ITGB5: variants seen among roughly 807,000 people sequenced by gnomAD.
The protein encoded by ITGB5 is integrin subunit beta 5.
In ITGB5, 38 loss-of-function variants were observed where a neutral mutation model predicts 84.8. The observed-to-expected ratio is 0.45, with a 90% CI of 0.35 to 0.59. The LOEUF (loss-of-function observed/expected upper bound fraction) is 0.59. ITGB5 is among the 20% of genes least tolerant of loss of function. The pLI is 0.01. For missense variants in ITGB5, 905 were observed against 1,034.5 expected (o/e 0.87, Z 1.72); for synonymous variants, 393 against 414.4 (o/e 0.95, Z 0.63).
intron 7 of ITGB5, among the ~76,000 whole-genome samples, chr3:124,818,708 CA>C (rs916916440): frequency 5.9e-5 from 9 of 151,348 alleles, no homozygotes; most frequent in African/African-American, 1.9e-4. Context: ...TTCCACTAAA[CA>C]AAAAAAGAAA....
rs1220165092 is a variant in ITGB5, at chr3:124,783,312, A to AAG, written c.1694-9402_1694-9401dup. On this transcript the variant is annotated intron_variant, in intron 10 of 14. Coordinates refer to ENST00000296181, the MANE Select transcript of ITGB5 (RefSeq NM_002213.5). Reference sequence around the variant, plus strand: ...TCTCAAAAAAAAAAAAAAAAAAAAAAAGAGAGAGAGAGAGATTAAACAGAC... The same window carrying AAG: ...TCTCAAAAAAAAAAAAAAAAAAAAAAAGAGAGAGAGAGAGAGATTAAACAGAC... 1.8e-4 allele frequency among the ~76,000 whole-genome samples: 26 copies of AAG among 147,606 alleles called. No homozygotes were observed. In the East Asian group the frequency reaches 1.8e-3, roughly 10 times the overall value.
intron 3 of ITGB5, among the ~76,000 whole-genome samples, chr3:124,854,063 T>C (rs551270673): frequency 6.6e-6 from 1 of 152,304 alleles, no homozygotes; most frequent in South Asian, 2.1e-4. Flanking sequence ...TTGTTAATGA[T>C]TTTTTCTAAG....
At chr3:124,885,915 C>T (rs1027252076) in intron 1 of ITGB5, among the ~76,000 whole-genome samples, 1 of 152,234 alleles carries the variant, frequency 6.6e-6, no homozygotes, top group Admixed American at 6.5e-5. Context: ...GTCCTCCCTT[C>T]GGGCAGCCAG....
At chr3:124,781,955 C>T (rs1317970375) in intron 10 of ITGB5, among the ~76,000 whole-genome samples, 1 of 152,190 alleles carries the variant, frequency 6.6e-6, no homozygotes, top group East Asian at 1.9e-4. Flanking sequence ...GGAATAGTGC[C>T]TTGTCTATCT....
intron 9 of ITGB5, 145 bp downstream of exon 9, chr3:124,808,877 G>T: frequency 1.2e-6 from 1 of 859,862 alleles, no homozygotes; most frequent in Non-Finnish European, 1.8e-6. Flanking sequence ...TGCAAAACAG[G>T]CTTAGGAGAC....
At chr3:124,814,855 C>T (rs1198713360) in intron 8 of ITGB5, among the ~76,000 whole-genome samples, 2 of 152,134 alleles carry the variant, frequency 1.3e-5, no homozygotes, top group East Asian at 1.9e-4. Context: ...CAGAATCAAG[C>T]GACAGTGCTA....
At chr3:124,764,277 C>G (rs1364178477) in intron 14 of ITGB5, 114 bp downstream of exon 14, 1 of 1,137,800 alleles carries the variant, frequency 8.8e-7, no homozygotes, top group South Asian at 1.6e-5. Flanking sequence ...GGTGTTGATT[C>G]TTTTGTTTTT....
intron 1 of ITGB5, among the ~76,000 whole-genome samples, chr3:124,899,835 C>T (rs1935182075): frequency 1.0e-5 from 1 of 100,246 alleles, no homozygotes; most frequent in African/African-American, 3.9e-5. Flanking sequence ...GCCTCGCCAG[C>T]ATAGCAAGAC....
chr3:124,847,681 A>G (rs1214217757), intron 4 of ITGB5, among the ~76,000 whole-genome samples: 1 of 152,230 alleles, frequency 6.6e-6, no homozygotes. Flanking sequence ...ATGGATGAAG[A>G]GACCCAGTTG....
At chr3:124,772,344 C>T (rs1299918199) in intron 11 of ITGB5, among the ~76,000 whole-genome samples, 3 of 152,216 alleles carry the variant, frequency 2.0e-5, no homozygotes, top group Admixed American at 1.3e-4. Context: ...CAATTACCCA[C>T]GCCTGGGTTA....
At chr3:124,852,378 A>G (rs1424014741) in intron 3 of ITGB5, among the ~76,000 whole-genome samples, 1 of 151,830 alleles carries the variant, frequency 6.6e-6, no homozygotes, top group African/African-American at 2.4e-5. Context: ...GGCAAACTCA[A>G]AACAGAAGCT....
At chr3:124,857,994 T>A (rs1186366730) in intron 3 of ITGB5, among the ~76,000 whole-genome samples, 1 of 151,856 alleles carries the variant, frequency 6.6e-6, no homozygotes, top group African/African-American at 2.4e-5. Flanking sequence ...ACAAAAAAAT[T>A]AGCTGGGCGT....
At chr3:124,885,296 G>C (rs182696688) in intron 1 of ITGB5, among the ~76,000 whole-genome samples, 118 of 152,136 alleles carry the variant, frequency 7.8e-4, no homozygotes, top group Non-Finnish European at 1.4e-3. Context: ...TTTGCAACTA[G>C]AAATTATTAT....
intron 10 of ITGB5, among the ~76,000 whole-genome samples, chr3:124,783,016 C>T (rs1449707763): frequency 6.6e-6 from 1 of 151,516 alleles, no homozygotes; most frequent in Non-Finnish European, 1.5e-5. Flanking sequence ...ACAGGCCGGG[C>T]ATGGTGGCTC....
At chr3:124,828,238 T>C (rs2064811685) in intron 5 of ITGB5, among the ~76,000 whole-genome samples, 2 of 152,116 alleles carry the variant, frequency 1.3e-5, no homozygotes, top group Non-Finnish European at 2.9e-5. Flanking sequence ...GACATGAACA[T>C]GAACATTTAC....
At chr3:124,870,340 C>G (rs1386079985) in intron 2 of ITGB5, among the ~76,000 whole-genome samples, 1 of 152,218 alleles carries the variant, frequency 6.6e-6, no homozygotes, top group Non-Finnish European at 1.5e-5. Flanking sequence ...CTGCACCTAG[C>G]AGACACACAA....
intron 4 of ITGB5, among the ~76,000 whole-genome samples, chr3:124,842,822 G>C (rs1009760160): frequency 2.0e-5 from 3 of 152,166 alleles, no homozygotes; most frequent in Non-Finnish European, 4.4e-5. Context: ...GTCTGGGCAG[G>C]CTCCCTTCTG....
intron 5 of ITGB5, among the ~76,000 whole-genome samples, chr3:124,839,222 TA>T (rs1458049313): frequency 6.6e-6 from 1 of 152,194 alleles, no homozygotes; most frequent in East Asian, 1.9e-4. Flanking sequence ...TTTCAACAGG[TA>T]TAAGCCTGAA....
rs535141432 is a variant in ITGB5 at position 124,803,675 on chromosome 3, C to T, written c.1263+5347G>A. Among the ~76,000 whole-genome samples the T allele has an allele frequency of 3.3e-5, 5 of 152,336 alleles. No homozygotes were observed. The South Asian group carries it at 1.0e-3, about 32-fold the overall frequency. On this transcript the variant is annotated intron_variant, in intron 9 of 14. Transcript: ENST00000296181. ...TCCCAGGCTGCCTGTCAGCAGTGCG[C>T]GAGCGCTGGGCTCCCCACATGGTGC... is the stretch of plus-strand genomic sequence containing the variant.
Sources: allele counts gnomAD v4.1 joint callset (sites outside exome capture counted in the v4.1 genomes callset), GRCh38; gene constraint gnomAD v4.1.1; transcripts MANE v1.5; gene names NCBI Gene and HGNC (gene_info 2026-07-23, HGNC 2026-07-21).